Variants in OR7C1 observed in about 807,000 individuals in gnomAD.
The protein encoded by OR7C1 is olfactory receptor 7C1.
For synonymous variants in OR7C1, 152 were observed against 160.7 expected (o/e 0.95, Z 0.41); for missense variants, 324 against 383.3 (o/e 0.85, Z 1.29).
chr19:14,800,280 G>A, exon 4 of OR7C1: 1 of 917,294 alleles, frequency 1.1e-6, no homozygotes, highest in South Asian at 1.8e-5. Flanking sequence ...CTTTTTCTGG[G>A]GCATCTGAAA....
chr19:14,809,351 AAAGG>A (rs1227934578), intron 2 of OR7C1, among the ~76,000 whole-genome samples: 2 of 151,982 alleles, frequency 1.3e-5, no homozygotes, highest in African/African-American at 4.8e-5. Flanking sequence ...GCACATACGT[AAAGG>A]AAGGTCAGAT....
chr19:14,823,041 C>T lies in OR7C1; in HGVS notation c.-623+12033G>A, dbSNP rs139527364. 1.1e-4 allele frequency among the ~76,000 whole-genome samples: 16 copies of T among 152,204 alleles called. No homozygotes were observed. The East Asian group carries it at 2.5e-3, about 24-fold the overall frequency. ...AATCCCACTTGTCTATTTTCACTTT[C>T]GTTGCCTGTGTTTTGAGGGGTATAT... On this transcript the variant is annotated intron_variant, in intron 1 of 4. Transcript: ENST00000641666.
intron 2 of OR7C1, among the ~76,000 whole-genome samples, chr19:14,807,906 A>AG (rs1162839819): frequency 6.6e-6 from 1 of 151,400 alleles, no homozygotes; most frequent in Non-Finnish European, 1.5e-5. Flanking sequence ...AAAAAAAAAA[A>AG]CAAACAAACA....
At chr19:14,829,312 T>C (rs1181237171) in intron 1 of OR7C1, among the ~76,000 whole-genome samples, 1 of 152,232 alleles carries the variant, frequency 6.6e-6, no homozygotes, top group East Asian at 1.9e-4. Flanking sequence ...CAAGCGATTC[T>C]CCTGCCTCAG....
intron 1 of OR7C1, among the ~76,000 whole-genome samples, chr19:14,819,220 G>A: frequency 6.6e-6 from 1 of 151,566 alleles, no homozygotes; most frequent in Non-Finnish European, 1.5e-5. Context: ...TTGTTACATA[G>A]GTAAACATGT....
rs2044637900 is a variant in OR7C1, at chr19:14,800,781, C to G, written c.-434-17G>C. ...GCAGATCAACTGGAAAGTCCAATTG[C>G]AAAGTAAGATTAGGGTGGGGCCACC... On this transcript the variant is annotated splice_polypyrimidine_tract_variant and intron_variant, in intron 2 of 4. Transcript: ENST00000641666. The G allele has an allele frequency of 6.6e-6, 1 of 152,142 alleles. No individual in the cohort carries two copies. Among genetic ancestry groups the G allele is most frequent in the African/African-American group, 2.4e-5 (1 of 41,418 alleles). 9.4% of individuals were successfully genotyped at this position (152,142 alleles called of 1,614,324 possible).
At chr19:14,827,853 A>AG in intron 1 of OR7C1, 2 of 1,614,186 alleles carry the variant, frequency 1.2e-6, no homozygotes, top group Non-Finnish European at 1.7e-6. Context: ...CATGTAGTGC[A>AG]GGGGGTGACA....
chr19:14,821,307 A>G (rs1168576415), intron 1 of OR7C1: 2 of 152,218 alleles, frequency 1.3e-5, no homozygotes, highest in African/African-American at 4.8e-5. Flanking sequence ...AGGAATAACA[A>G]TTAGATCAGG....
At chr19:14,819,975 C>A (rs2044733424) in intron 1 of OR7C1, among the ~76,000 whole-genome samples, 1 of 152,170 alleles carries the variant, frequency 6.6e-6, no homozygotes, top group South Asian at 2.1e-4. Context: ...GGCACAATTT[C>A]AGCTCACTGC....
At chr19:14,822,969 T>A (rs1040869552) in intron 1 of OR7C1, among the ~76,000 whole-genome samples, 1 of 152,146 alleles carries the variant, frequency 6.6e-6, no homozygotes, top group Non-Finnish European at 1.5e-5. Flanking sequence ...AGGTTGCCTC[T>A]CTGTTGATTG....
chr19:14,820,766 G>A (rs1410852927), intron 1 of OR7C1, among the ~76,000 whole-genome samples: 1 of 152,180 alleles, frequency 6.6e-6, no homozygotes, highest in Non-Finnish European at 1.5e-5. Flanking sequence ...AGATTGTCGT[G>A]GCAGGGGCAG....
At chr19:14,831,979 G>T (rs1291758371) in intron 1 of OR7C1, among the ~76,000 whole-genome samples, 1 of 152,156 alleles carries the variant, frequency 6.6e-6, no homozygotes, top group Non-Finnish European at 1.5e-5. Context: ...TGCAATCATA[G>T]CTCACTGCAG....
At chr19:14,823,811 G>A (rs1243256353) in intron 1 of OR7C1, among the ~76,000 whole-genome samples, 9 of 151,712 alleles carry the variant, frequency 5.9e-5, no homozygotes. Context: ...TTTTGTATAT[G>A]GTGTGAAATG....
chr19:14,809,019 G>A (rs1251782493), intron 2 of OR7C1, among the ~76,000 whole-genome samples: 1 of 151,942 alleles, frequency 6.6e-6, no homozygotes, highest in East Asian at 1.9e-4. Flanking sequence ...TATTGAGTAG[G>A]TTTCTTGAAA....
At chr19:14,805,882 CT>C (rs1246747972) in intron 2 of OR7C1, among the ~76,000 whole-genome samples, 35 of 151,874 alleles carry the variant, frequency 2.3e-4, no homozygotes, top group African/African-American at 8.3e-4. Context: ...TTATATAAGA[CT>C]GCTATCTAAA....
chr19:14,815,790 T>TGC (rs2044713317), intron 1 of OR7C1, among the ~76,000 whole-genome samples: 1 of 145,364 alleles, frequency 6.9e-6, no homozygotes, highest in African/African-American at 2.7e-5. Flanking sequence ...TGTGCGTGTG[T>TGC]GTGTGTGTGT....
intron 1 of OR7C1, among the ~76,000 whole-genome samples, chr19:14,814,272 C>T (rs2044706124): frequency 6.6e-6 from 1 of 152,122 alleles, no homozygotes; most frequent in African/African-American, 2.4e-5. Flanking sequence ...ATTCACAAAC[C>T]ATCCATCTGA....
At chr19:14,825,861 A>G (rs2044763912) in intron 1 of OR7C1, 1 of 152,382 alleles carries the variant, frequency 6.6e-6, no homozygotes, top group African/African-American at 2.4e-5. Flanking sequence ...ACCATTTACT[A>G]TGAGATGACT....
chr19:14,833,832 T>C (rs770298588), intron 1 of OR7C1, among the ~76,000 whole-genome samples: 2 of 128,594 alleles, frequency 1.6e-5, no homozygotes, highest in South Asian at 2.4e-4. Flanking sequence ...GGGGATGGAG[T>C]GGGGAACTTT....
Sources: allele counts gnomAD v4.1 joint callset (sites outside exome capture counted in the v4.1 genomes callset), GRCh38; gene constraint gnomAD v4.1.1; transcripts MANE v1.5; gene names NCBI Gene and HGNC (gene_info 2026-07-23, HGNC 2026-07-21).